STPG1: variants seen among roughly 807,000 people sequenced by gnomAD.
The protein encoded by STPG1 is sperm tail PG-rich repeat containing 1.
Under a neutral mutation model 40.1 loss-of-function variants are expected in STPG1, and 33 were observed. That is an observed-to-expected ratio of 0.82 (90% CI 0.62 to 1.10). The LOEUF is 1.10. Among genes scored for constraint, STPG1 ranks in the 50% least tolerant of loss-of-function variants. The pLI, the probability that STPG1 is intolerant of heterozygous loss-of-function variation, is 0.00. For missense variants in STPG1, 396 were observed against 415.1 expected (o/e 0.95, Z 0.40); for synonymous variants, 150 against 155.0 (o/e 0.97, Z 0.24).
intron 1 of STPG1, among the ~76,000 whole-genome samples, chr1:24,407,443 A>AT (rs71029547): frequency 0.14 from 18,905 of 130,910 alleles, 1,763 homozygotes; most frequent in African/African-American, 0.25. Flanking sequence ...AAGTTCACTG[A>AT]TTTTTTTTTT....
At chr1:24,379,505 CA>C in intron 5 of STPG1, 147 bp downstream of exon 5, 1 of 817,188 alleles carries the variant, frequency 1.2e-6, no homozygotes, top group South Asian at 1.7e-5. Flanking sequence ...GAGTCTTGTA[CA>C]GCCTTAGGCA....
intron 6 of STPG1, among the ~76,000 whole-genome samples, chr1:24,371,952 C>G (rs545002884): frequency 6.6e-6 from 1 of 152,108 alleles, no homozygotes; most frequent in Non-Finnish European, 1.5e-5. Flanking sequence ...CCGAGGCAGA[C>G]GGATCACTTG....
At chr1:24,369,482 C>G in intron 7 of STPG1, 192 bp downstream of exon 7, 1 of 702,296 alleles carries the variant, frequency 1.4e-6, no homozygotes. Context: ...TCCTGGCACA[C>G]AGTGGTTGCT....
chr1:24,409,578 T>C (rs1211732659), intron 1 of STPG1, among the ~76,000 whole-genome samples: 1 of 152,246 alleles, frequency 6.6e-6, no homozygotes, highest in Non-Finnish European at 1.5e-5. Flanking sequence ...CCATGGTCAA[T>C]TGTGGTTTGA....
At chr1:24,394,538 T>G (rs1049581931) in intron 2 of STPG1, among the ~76,000 whole-genome samples, 3 of 152,078 alleles carry the variant, frequency 2.0e-5, no homozygotes, top group African/African-American at 7.2e-5. Flanking sequence ...ATGATAGAAT[T>G]AGTGGAGAAG....
Position 24,379,843 on chromosome 1 carries a change from G to A in STPG1, c.292-20C>T, listed in dbSNP as rs1284416912. On this transcript the variant is annotated intron_variant, in intron 4 of 8. Coordinates refer to ENST00000337248, the MANE Select transcript of STPG1 (RefSeq NM_001199013.2). ...GGCGCACTGTAAGGAGACAACCAAA[G>A]GAATCAGCATTGTCACATAATATTG... 18 of 1,610,196 alleles carry A rather than the reference G, an allele frequency of 1.1e-5. No individual in the cohort carries two copies. Among genetic ancestry groups the A allele is most frequent in the Non-Finnish European group, 1.5e-5 (18 of 1,176,868 alleles).
chr1:24,411,210 A>G (rs1643613617), intron 1 of STPG1, among the ~76,000 whole-genome samples: 1 of 152,216 alleles, frequency 6.6e-6, no homozygotes, highest in Non-Finnish European at 1.5e-5. Flanking sequence ...TTTTTATAAT[A>G]ATCCAGTGAG....
rs78765305 is a variant in STPG1, at chr1:24,359,579, G to A, written c.929-960C>T. 4.5e-3 allele frequency among the ~76,000 whole-genome samples: 678 copies of A among 152,336 alleles called. 5 individuals are homozygous for A. The highest frequency in any genetic ancestry group is 7.7e-3 in the South Asian group (37 of 4,824). On this transcript the variant is annotated intron_variant, in intron 8 of 8. Coordinates refer to ENST00000337248, the MANE Select transcript of STPG1 (RefSeq NM_001199013.2). This position sits in a 1 kb window ranked among gnomAD's most constrained non-coding sequence, Gnocchi z 5.3. ...TGCCTTATGTTAGTCTCACCTGTGA[G>A]TATGGAGCTGACGGCATCTCCCCAC...
chr1:24,400,321 T>C (rs1278580117), intron 2 of STPG1, among the ~76,000 whole-genome samples: 1 of 152,186 alleles, frequency 6.6e-6, no homozygotes, highest in African/African-American at 2.4e-5. Context: ...ATTAATGATA[T>C]GAGAAGTCAG....
At chr1:24,363,254 T>G (rs1641238606) in intron 7 of STPG1, among the ~76,000 whole-genome samples, 1 of 152,202 alleles carries the variant, frequency 6.6e-6, no homozygotes, top group African/African-American at 2.4e-5. Flanking sequence ...AGAGGTTTCT[T>G]GTCTTCCACT....
In STPG1 at chr1:24,358,436, G is replaced by T. The variant is rs747205320; in HGVS notation, c.*107C>A. 2.7e-5 allele frequency: 26 copies of T among 952,636 alleles called. No individual in the cohort carries two copies. The South Asian group carries it at 2.8e-4, about 10-fold the overall frequency. 59.0% of individuals were successfully genotyped at this position (952,636 alleles called of 1,614,324 possible). On this transcript the variant is annotated 3_prime_UTR_variant, in exon 9 of 9. Transcript: ENST00000337248. ...CCAGAGTGGTAGAGCCACCCCCCAA[G>T]TTGTCAGCTGCCACACTCATGATCG...
intron 7 of STPG1, among the ~76,000 whole-genome samples, chr1:24,367,956 T>C (rs1641553786): frequency 6.6e-6 from 1 of 152,218 alleles, no homozygotes; most frequent in Non-Finnish European, 1.5e-5. Flanking sequence ...ATTCATACTC[T>C]GGTCGGCCAA....
At chr1:24,412,157 G>C (rs1353026152) in intron 1 of STPG1, 2 of 152,210 alleles carry the variant, frequency 1.3e-5, no homozygotes, top group African/African-American at 4.8e-5. Flanking sequence ...CAAAAGGTTT[G>C]AAAGCCACTG....
At chr1:24,389,232 T>A (rs1335645923) in intron 3 of STPG1, among the ~76,000 whole-genome samples, 2 of 152,168 alleles carry the variant, frequency 1.3e-5, no homozygotes, top group African/African-American at 4.8e-5. Flanking sequence ...TGAGCCGGCT[T>A]GCTTTCTGAA....
At position 24,392,049 on chromosome 1, in the gene STPG1, G is replaced by A. The variant is rs1467790767; in HGVS notation, c.71-370C>T. ...GAGGCGCGGTCAGGACAGAGGAAGC[G>A]TCCTCACTGCTCCTTGGCCTAGATT... is the stretch of plus-strand genomic sequence containing the variant. On this transcript the variant is annotated intron_variant, in intron 2 of 8. Transcript: ENST00000337248. 6.9e-6 allele frequency: 7 copies of A among 1,007,638 alleles called. No homozygotes were observed. In the Admixed American group the frequency reaches 2.9e-4, roughly 41 times the overall value. The allele number at this position is 1,007,638 out of a possible 1,614,324, so 62.4% of individuals were successfully genotyped here.
chr1:24,398,131 T>G (rs572415726), intron 2 of STPG1, among the ~76,000 whole-genome samples: 1 of 152,148 alleles, frequency 6.6e-6, no homozygotes, highest in Non-Finnish European at 1.5e-5. Flanking sequence ...CCATTAGGTA[T>G]GTAATGGTAT....
At chr1:24,369,882 C>A (rs200335492) in intron 6 of STPG1, 43 bp from the exon 7 acceptor site, 155 of 1,521,402 alleles carry the variant, frequency 1.0e-4, no homozygotes, top group Non-Finnish European at 8.6e-5. Context: ...GAACTCTTCT[C>A]AAGTAAATAA....
At chr1:24,374,206 A>C (rs990777721) in intron 5 of STPG1, among the ~76,000 whole-genome samples, 1 of 134,050 alleles carries the variant, frequency 7.5e-6, no homozygotes, top group African/African-American at 2.8e-5. Flanking sequence ...TCTGTCAGGG[A>C]GTGGGGGTGG....
intron 2 of STPG1, among the ~76,000 whole-genome samples, chr1:24,400,745 C>T (rs1408559): frequency 0.23 from 35,119 of 152,046 alleles, 4,624 homozygotes; most frequent in East Asian, 0.46. Flanking sequence ...CACTAGTTGG[C>T]GAACACTAGC....
Sources: allele counts gnomAD v4.1 joint callset (sites outside exome capture counted in the v4.1 genomes callset), GRCh38; gene constraint gnomAD v4.1.1; non-coding constraint Gnocchi (gnomAD v3.1); transcripts MANE v1.5; gene names NCBI Gene and HGNC (gene_info 2026-07-23, HGNC 2026-07-21).